DACH1: variants seen among roughly 807,000 people sequenced by gnomAD.
DACH1 encodes the protein dachshund family transcription factor 1, also known as dachshund homolog 1.
In DACH1, 12 loss-of-function variants were observed where a neutral mutation model predicts 54.2. The ratio of observed to expected loss-of-function variants is 0.22; its 90% CI spans 0.14 to 0.36. The LOEUF (loss-of-function observed/expected upper bound fraction) is 0.36, where lower values mean the gene tolerates loss of function less well. Among genes scored for constraint, DACH1 ranks in the 10% least tolerant of loss-of-function variants. The pLI is 1.00. For synonymous variants in DACH1, 386 were observed against 366.2 expected (o/e 1.05, Z -0.62); for missense variants, 805 against 929.8 (o/e 0.87, Z 1.75).
intron 3 of DACH1, among the ~76,000 whole-genome samples, chr13:71,604,378 A>G (rs923182033): frequency 2.6e-5 from 4 of 151,936 alleles, no homozygotes; most frequent in African/African-American, 9.7e-5. Flanking sequence ...AAATTTTTCA[A>G]CTTTCCACAG....
intron 1 of DACH1, among the ~76,000 whole-genome samples, chr13:71,726,096 C>T (rs371774624): frequency 2.9e-3 from 443 of 152,198 alleles, no homozygotes; most frequent in Non-Finnish European, 4.8e-3. Flanking sequence ...GCTTCCCCCT[C>T]AGAATCTCAG....
intron 10 of DACH1, among the ~76,000 whole-genome samples, chr13:71,473,819 G>C (rs1877288872): frequency 6.6e-6 from 1 of 152,076 alleles, no homozygotes; most frequent in Non-Finnish European, 1.5e-5. Context: ...AATAGCCCCT[G>C]CATGTACACA....
At chr13:71,592,526 A>AAAAAG (rs1566364699) in intron 3 of DACH1, among the ~76,000 whole-genome samples, 3 of 150,678 alleles carry the variant, frequency 2.0e-5, no homozygotes, top group East Asian at 1.9e-4. Flanking sequence ...AAGAAAAGAA[A>AAAAAG]AAAAGAAAAG....
At chr13:71,553,993 T>C (rs977554601) in intron 6 of DACH1, among the ~76,000 whole-genome samples, 29 of 151,972 alleles carry the variant, frequency 1.9e-4, no homozygotes, top group Non-Finnish European at 3.7e-4. Context: ...GGCAGCAAAT[T>C]ACATATAGGT....
At chr13:71,650,727 C>T (rs549547514) in intron 2 of DACH1, among the ~76,000 whole-genome samples, 39 of 152,044 alleles carry the variant, frequency 2.6e-4, no homozygotes, top group Non-Finnish European at 4.6e-4. Context: ...TCAAGGCATT[C>T]GGATAAAAGT....
In DACH1 at chr13:71,866,158, C is replaced by A; in HGVS notation, c.612G>T (p.Glu204Asp). The change falls in exon 1 of 11, where the codon GAG becomes GAT. Residue 204 changes from glutamate (E) to aspartate (D), a missense_variant. Glu to Asp is a conservative substitution (Grantham distance 45). Around this residue, in one of 3 missense-constraint regions of DACH1, gnomAD observed 305 missense variants for 308.7 expected, o/e 0.99. Transcript: ENST00000613252. ...GGGGCAGGCAGATCAGCTCGCAGCC[C>A]TCCACCGTGAAGGAAGCCACTTTGG... is the stretch of plus-strand genomic sequence containing the variant. ...RGAKVASFTV[E>D]GCELICLPQA... is the part of the protein sequence containing the mutation. The A allele has an allele frequency of 3.7e-6, 6 of 1,613,068 alleles. No individual in the cohort carries two copies. Among genetic ancestry groups the A allele is most frequent in the Non-Finnish European group, 5.1e-6 (6 of 1,179,536 alleles).
chr13:71,580,464 A>G (rs541189455), intron 3 of DACH1, among the ~76,000 whole-genome samples: 7 of 152,306 alleles, frequency 4.6e-5, no homozygotes, highest in Non-Finnish European at 1.0e-4. Flanking sequence ...TATATTATTA[A>G]TGTTTTTATG....
intron 1 of DACH1, among the ~76,000 whole-genome samples, chr13:71,686,865 A>G (rs2138713348): frequency 6.6e-6 from 1 of 152,338 alleles, no homozygotes; most frequent in South Asian, 2.1e-4. Context: ...TCATTCATTC[A>G]TTCATTTATT....
At chr13:71,715,265 C>A (rs1252830326) in intron 1 of DACH1, among the ~76,000 whole-genome samples, 3 of 152,084 alleles carry the variant, frequency 2.0e-5, no homozygotes, top group Middle Eastern at 6.3e-3. Context: ...AGATGTGTGA[C>A]CTTGACAAGT....
chr13:71,787,690 T>C (rs1886659254), intron 1 of DACH1, among the ~76,000 whole-genome samples: 1 of 152,198 alleles, frequency 6.6e-6, no homozygotes, highest in South Asian at 2.1e-4. Context: ...CACGCACCCC[T>C]TACTAGGCAC....
intron 1 of DACH1, among the ~76,000 whole-genome samples, chr13:71,746,142 C>T (rs1164282693): frequency 5.3e-5 from 8 of 152,040 alleles, no homozygotes; most frequent in Non-Finnish European, 1.0e-4. Flanking sequence ...CACTTGAACC[C>T]GGGAGGCAGA....
chr13:71,477,019 T>C (rs546486503), intron 8 of DACH1, among the ~76,000 whole-genome samples: 1 of 142,262 alleles, frequency 7.0e-6, no homozygotes, highest in Admixed American at 7.3e-5. Flanking sequence ...AATTATAAAA[T>C]AATAACGACT....
intron 8 of DACH1, among the ~76,000 whole-genome samples, chr13:71,476,443 T>A (rs1453708433): frequency 6.6e-6 from 1 of 152,180 alleles, no homozygotes; most frequent in Admixed American, 6.5e-5. Flanking sequence ...AGAACAGAAA[T>A]GTTTTTGTTT....
At chr13:71,475,333 A>G (rs1434214507) in intron 9 of DACH1, 124 bp from the exon 10 acceptor site, 1 of 833,502 alleles carries the variant, frequency 1.2e-6, no homozygotes, top group African/African-American at 1.7e-5. Flanking sequence ...TCATCTTTTA[A>G]AGGTTGAACA....
intron 1 of DACH1, among the ~76,000 whole-genome samples, chr13:71,697,664 T>C: frequency 6.6e-6 from 1 of 152,348 alleles, no homozygotes; most frequent in South Asian, 2.1e-4. Context: ...GAAGTGTCAA[T>C]TTTTAATTAT....
At chr13:71,606,384 T>A (rs1874882222) in intron 3 of DACH1, among the ~76,000 whole-genome samples, 2 of 152,062 alleles carry the variant, frequency 1.3e-5, no homozygotes. Flanking sequence ...TAGATGTTCA[T>A]CTTAAAATTA....
intron 1 of DACH1, among the ~76,000 whole-genome samples, chr13:71,814,146 A>T (rs1344185965): frequency 6.6e-6 from 1 of 152,188 alleles, no homozygotes; most frequent in East Asian, 1.9e-4. Flanking sequence ...CAGCAGTTTC[A>T]TTGTGCTTGT....
At chr13:71,678,646 C>G (rs1880711486) in intron 2 of DACH1, among the ~76,000 whole-genome samples, 1 of 140,306 alleles carries the variant, frequency 7.1e-6, no homozygotes, top group Non-Finnish European at 1.6e-5. Context: ...CTTCCTTTCT[C>G]TCTCTTTCCT....
chr13:71,562,854 G>T (rs191198780), intron 4 of DACH1, among the ~76,000 whole-genome samples: 15 of 152,114 alleles, frequency 9.9e-5, no homozygotes, highest in African/African-American at 2.6e-4. Flanking sequence ...GACAATCTTG[G>T]CTTGTGTTAG....
Sources: allele counts gnomAD v4.1 joint callset (sites outside exome capture counted in the v4.1 genomes callset), GRCh38; gene constraint gnomAD v4.1.1; regional missense constraint gnomAD v4.1.1; transcripts MANE v1.5; gene names NCBI Gene and HGNC (gene_info 2026-07-23, HGNC 2026-07-21).